The following LYRM4 variants were observed in gnomAD, a reference collection of about 807,000 sequenced individuals.
LYRM4 encodes LYR motif-containing protein 4.
In LYRM4, 9 loss-of-function variants were observed where a neutral mutation model predicts 11.7. That is an observed-to-expected ratio of 0.77 (90% CI 0.46 to 1.34). LYRM4 has a LOEUF of 1.34. Among genes scored for constraint, LYRM4 ranks in the 40% most tolerant of loss-of-function variants. The probability of loss-of-function intolerance (pLI) is 0.00; values close to 1 mark genes in which losing one functional copy is unlikely to be tolerated. For synonymous variants in LYRM4, 42 were observed against 40.4 expected, an observed-to-expected ratio of 1.04 and a Z score of -0.15; for missense variants, 133 against 112.5, an observed-to-expected ratio of 1.18 and a Z score of -0.82.
chr6:5,143,996 G>T, intron 2 of LYRM4: 1 of 928,012 alleles, frequency 1.1e-6, no homozygotes, highest in Non-Finnish European at 1.6e-6. Context: ...AAGCTTCTGA[G>T]GTCTAATTCC....
chr6:5,117,161 C>T (rs367772994), intron 2 of LYRM4, among the ~76,000 whole-genome samples: 4 of 152,224 alleles, frequency 2.6e-5, no homozygotes, highest in Admixed American at 6.5e-5. Context: ...AATGTCCTAA[C>T]GCTACTGGGA....
rs532030920 is a variant in LYRM4 at position 5,260,679 on chromosome 6, C to G, written c.55G>C (p.Glu19Gln). The G allele has an allele frequency of 6.5e-7, 1 of 1,542,054 alleles. No individual in the cohort carries two copies. The highest frequency in any genetic ancestry group is 2.4e-5 in the East Asian group (1 of 41,076). The change falls in exon 1 of 3, where the codon GAG (glutamate) becomes CAG (glutamine). Residue 19 changes from glutamate (E) to glutamine (Q), a missense_variant. Glu to Gln is a conservative substitution (Grantham distance 29, BLOSUM62 2). Transcript: ENST00000330636. ...TTGTAGGCGCTGAAACGCTTGCTCT[C>G]TCTCAGCATCGCCCGGTACAGAGAT... ...VLSLYRAMLRESKRFSAYNYR... is the reference protein window; with the variant it reads ...VLSLYRAMLRQSKRFSAYNYR...
intron 1 of LYRM4, among the ~76,000 whole-genome samples, chr6:5,244,793 T>A (rs1033795626): frequency 2.0e-5 from 3 of 151,772 alleles, no homozygotes; most frequent in African/African-American, 7.3e-5. Context: ...AAAGGGCCCA[T>A]CTGCGCTGAC....
chr6:5,167,498 C>A (rs770924922), intron 2 of LYRM4, among the ~76,000 whole-genome samples: 5 of 152,192 alleles, frequency 3.3e-5, no homozygotes, highest in African/African-American at 1.2e-4. Flanking sequence ...TTCGTTTCAT[C>A]TTATTTTGCC....
the LYRM4 span, among the ~76,000 whole-genome samples, chr6:5,082,507 C>T: frequency 1.3e-5 from 2 of 152,136 alleles, no homozygotes; most frequent in East Asian, 1.9e-4. Context: ...CACCTACCCC[C>T]ACTTGGGGCC....
intron 2 of LYRM4, among the ~76,000 whole-genome samples, chr6:5,191,894 C>T (rs1375996399): frequency 2.6e-5 from 4 of 152,102 alleles, no homozygotes; most frequent in African/African-American, 7.2e-5. Context: ...ATATTACTTA[C>T]GTAGTTTTCC....
At chr6:5,250,828 G>A (rs12190040) in intron 1 of LYRM4, among the ~76,000 whole-genome samples, 54,346 of 152,128 alleles carry the variant, frequency 0.36, 11,967 homozygotes, top group South Asian at 0.51. Flanking sequence ...TATAATAAAA[G>A]AGTGAAAGCA....
the LYRM4 span, among the ~76,000 whole-genome samples, chr6:5,090,015 G>GACACAC: frequency 0.33 from 49,700 of 149,596 alleles, 10,115 homozygotes; most frequent in East Asian, 0.72. This position sits in a 1 kb window ranked among gnomAD's most constrained non-coding sequence, Gnocchi z 4.8. Context: ...CTGAAAGGAA[G>GACACAC]ACACACACAC....
the LYRM4 span, among the ~76,000 whole-genome samples, chr6:5,035,253 G>T: frequency 2.6e-5 from 4 of 152,088 alleles, no homozygotes; most frequent in African/African-American, 9.6e-5. Flanking sequence ...ACCCTGGGGG[G>T]TCCAGTCCCA....
chr6:5,218,104 G>C, intron 1 of LYRM4: 1 of 383,332 alleles, frequency 2.6e-6, no homozygotes, highest in Non-Finnish European at 3.6e-6. Flanking sequence ...ATGGGGACTT[G>C]CTGCGTTGCC....
the LYRM4 span, among the ~76,000 whole-genome samples, chr6:5,091,226 C>T: frequency 4.6e-5 from 7 of 152,240 alleles, no homozygotes; most frequent in Non-Finnish European, 7.3e-5. Context: ...CTGGGAACAG[C>T]TGACAATCCG....
the LYRM4 span, among the ~76,000 whole-genome samples, chr6:5,037,858 A>G: frequency 1.0e-4 from 5 of 47,714 alleles, no homozygotes; most frequent in African/African-American, 1.7e-4. Context: ...CTGGCCGGGC[A>G]GAGGGGCTCC....
At chr6:5,056,079 T>A in the LYRM4 span, among the ~76,000 whole-genome samples, 1 of 152,128 alleles carries the variant, frequency 6.6e-6, no homozygotes, top group African/African-American at 2.4e-5. Context: ...ACAAGTGCCA[T>A]CTTAGCCTCC....
chr6:5,093,569 A>G, the LYRM4 span, among the ~76,000 whole-genome samples: 1 of 152,250 alleles, frequency 6.6e-6, no homozygotes, highest in African/African-American at 2.4e-5. Context: ...TTACAAAATG[A>G]GTCTGGTATA....
intron 2 of LYRM4, among the ~76,000 whole-genome samples, chr6:5,181,394 A>G (rs564340641): frequency 6.6e-6 from 1 of 152,326 alleles, no homozygotes; most frequent in South Asian, 2.1e-4. Flanking sequence ...TTGTGTCGTC[A>G]ATGATTTCTT....
chr6:5,039,478 A>G, the LYRM4 span, among the ~76,000 whole-genome samples: 4 of 152,324 alleles, frequency 2.6e-5, no homozygotes, highest in South Asian at 6.2e-4. Flanking sequence ...AGTAAGTCCT[A>G]GAGTCCTGCC....
At chr6:5,178,786 C>A (rs1759876114) in intron 2 of LYRM4, among the ~76,000 whole-genome samples, 2 of 106,118 alleles carry the variant, frequency 1.9e-5, no homozygotes, top group South Asian at 6.6e-4. Flanking sequence ...GCCTGGGCGA[C>A]AGAGTGAGAC....
chr6:5,037,970 G>A, the LYRM4 span, among the ~76,000 whole-genome samples: 1 of 59,732 alleles, frequency 1.7e-5, no homozygotes, highest in Non-Finnish European at 4.0e-5. Context: ...CCTCCCGGAC[G>A]GGGTGGCTGC....
the LYRM4 span, among the ~76,000 whole-genome samples, chr6:5,060,767 A>T: frequency 6.6e-6 from 1 of 152,114 alleles, no homozygotes; most frequent in East Asian, 1.9e-4. Flanking sequence ...ACCTCAGATG[A>T]TCCACCTGCG....
Sources: gnomAD v4.1 joint callset for allele counts (sites outside exome capture counted in the v4.1 genomes callset) on GRCh38, gnomAD v4.1.1 for gene constraint, Gnocchi (gnomAD v3.1) non-coding constraint, MANE v1.5 for transcripts, NCBI Gene and HGNC (gene_info 2026-07-23, HGNC 2026-07-21) for gene names.